PFKP: variants seen among roughly 807,000 people sequenced by gnomAD.
PFKP encodes phosphofructokinase, platelet.
Under a neutral mutation model 94.3 loss-of-function variants are expected in PFKP, and 101 were observed. That is an observed-to-expected ratio of 1.07 (90% CI 0.91 to 1.26). The LOEUF (loss-of-function observed/expected upper bound fraction) is 1.26. PFKP is among the 50% of genes most tolerant of loss of function. The pLI is 0.00. For missense variants in PFKP, 1,145 were observed against 1,103.3 expected (o/e 1.04, Z -0.53); for synonymous variants, 573 against 432.6 (o/e 1.32, Z -4.03).
At chr10:3,118,527 A>G (rs1332407999) in intron 14 of PFKP, among the ~76,000 whole-genome samples, 1 of 152,228 alleles carries the variant, frequency 6.6e-6, no homozygotes, top group Non-Finnish European at 1.5e-5. Flanking sequence ...ATGGGGCAGT[A>G]GAGTTCTTTT....
chr10:3,097,453 C>CAAT lies in PFKP; in HGVS notation c.187-1806_187-1804dup, dbSNP rs143079142. Among the ~76,000 whole-genome samples, 119 of 151,922 alleles carry CAAT rather than the reference C, an allele frequency of 7.8e-4. 1 individual carries two copies. The Middle Eastern group carries it at 0.01, about 13-fold the overall frequency. ...AATCTGTTTTCAGAGCAAGGGGAGA[C>CAAT]AATAATAATAATAATAATCCCTAGA... On this transcript the variant is annotated intron_variant, in intron 2 of 21. Transcript: ENST00000381125.
intron 1 of PFKP, among the ~76,000 whole-genome samples, chr10:3,079,959 C>T (rs917357943): frequency 6.6e-6 from 1 of 151,034 alleles, no homozygotes; most frequent in Non-Finnish European, 1.5e-5. Flanking sequence ...GTGGGAGGCT[C>T]TGTCCTGCCA....
chr10:3,101,132 T>A, intron 3 of PFKP: 1 of 815,712 alleles, frequency 1.2e-6, no homozygotes, highest in Non-Finnish European at 2.0e-6. Context: ...TGTCTGGCTC[T>A]GCACCCTCCC....
intron 1 of PFKP, among the ~76,000 whole-genome samples, chr10:3,079,785 G>A (rs1349374727): frequency 2.0e-5 from 3 of 151,950 alleles, no homozygotes; most frequent in Non-Finnish European, 4.4e-5. Flanking sequence ...CCATTAGAGT[G>A]ACCATAGCGT....
At chr10:3,128,402 G>C (rs1312991077) in intron 16 of PFKP, among the ~76,000 whole-genome samples, 1 of 152,222 alleles carries the variant, frequency 6.6e-6, no homozygotes, top group Non-Finnish European at 1.5e-5. Context: ...GTGTTTTCCT[G>C]AGGAAATGAC....
chr10:3,116,749 C>G lies in PFKP; in HGVS notation c.1372-27C>G, dbSNP rs777066096. 1.3e-5 allele frequency: 21 copies of G among 1,576,994 alleles called. No homozygotes were observed. The South Asian group carries it at 2.2e-4, about 17-fold the overall frequency. On this transcript the variant is annotated intron_variant, in intron 13 of 21. Coordinates refer to ENST00000381125, the MANE Select transcript of PFKP (RefSeq NM_002627.5). Reference sequence around the variant, plus strand: ...ACTTGCCTTTCATTGTTCACTTTAGCTGTTTCGTTCTGTGTTTGCACATTA... The same window carrying G: ...ACTTGCCTTTCATTGTTCACTTTAGGTGTTTCGTTCTGTGTTTGCACATTA...
In PFKP at chr10:3,116,133, A is replaced by AAT. The variant is rs140713081; in HGVS notation, c.1372-629_1372-628dup. ...AAGCCTGATTTATATGGTTCTGTCA[A>AAT]ATATATATATATATACATACACACC... On this transcript the variant is annotated intron_variant, in intron 13 of 21. Transcript: ENST00000381125. Among the ~76,000 whole-genome samples the AAT allele has an allele frequency of 2.0e-3, 308 of 150,976 alleles. 3 individuals carry two copies. Among genetic ancestry groups the AAT allele is most frequent in the African/African-American group, 4.1e-3 (170 of 41,144 alleles).
chr10:3,107,297 GA>G lies in PFKP; in HGVS notation c.862del (p.Ile288SerfsTer15). The G allele has an allele frequency of 6.3e-7, 1 of 1,599,256 alleles. No individual in the cohort carries two copies. The highest frequency in any genetic ancestry group is 8.6e-7 in the Non-Finnish European group (1 of 1,166,946). On this transcript the variant is annotated frameshift_variant, in exon 8 of 22. Transcript: ENST00000381125. LOFTEE classifies it high-confidence loss of function. Reference protein sequence around the residue: ...DTQNKPITSEKIKELVVTQLG... With the variant: ...DTQNKPITSEXIKELVVTQLG... ...CCCAAAATAAACCCATCACCTCTGA[GA>G]AAATCAAAGAGGTGAGTGTGTGTAG...
At chr10:3,135,692 C>T (rs1305395608) in intron 20 of PFKP, 44 bp from the exon 21 acceptor site, 2 of 1,186,672 alleles carry the variant, frequency 1.7e-6, no homozygotes, top group South Asian at 2.5e-5. Flanking sequence ...CCCACCTGCC[C>T]ATGTTGACAG....
At chr10:3,115,520 T>G (rs1237402690) in intron 13 of PFKP, among the ~76,000 whole-genome samples, 5 of 127,630 alleles carry the variant, frequency 3.9e-5, no homozygotes, top group African/African-American at 1.7e-4. Context: ...GTCCCACAGC[T>G]GAGGATAGGA....
At chr10:3,116,969 G>A in intron 14 of PFKP, 123 bp downstream of exon 14, 3 of 781,460 alleles carry the variant, frequency 3.8e-6, no homozygotes, top group South Asian at 2.9e-5. Context: ...TAAGGGAGGG[G>A]TGCAGGCAGT....
chr10:3,130,503 A>G (rs7923989), intron 17 of PFKP, among the ~76,000 whole-genome samples: 51,500 of 152,068 alleles, frequency 0.34, 9,462 homozygotes, highest in African/African-American at 0.48. Context: ...ACCCTGCAAC[A>G]TTCAAAGTTG....
chr10:3,130,827 G>T (rs774346651), intron 17 of PFKP, among the ~76,000 whole-genome samples: 139 of 152,304 alleles, frequency 9.1e-4, no homozygotes, highest in Admixed American at 4.8e-3. Flanking sequence ...AAAGTGCTGG[G>T]ATTACAGGCA....
chr10:3,133,075 G>C, intron 18 of PFKP, 128 bp from the exon 19 acceptor site: 1 of 716,480 alleles, frequency 1.4e-6, no homozygotes, highest in Non-Finnish European at 2.5e-6. Flanking sequence ...TGGAGGGACT[G>C]GTGTTGATGT....
intron 2 of PFKP, among the ~76,000 whole-genome samples, chr10:3,086,064 G>C (rs1250219442): frequency 6.6e-6 from 1 of 152,142 alleles, no homozygotes; most frequent in Non-Finnish European, 1.5e-5. Context: ...GCTGCTCTTA[G>C]TACAGAAATG....
intron 16 of PFKP, among the ~76,000 whole-genome samples, chr10:3,126,390 C>T (rs1039368823): frequency 6.6e-6 from 1 of 152,224 alleles, no homozygotes; most frequent in Admixed American, 6.5e-5. Context: ...CACTTGACCC[C>T]TGTTGGGTGA....
At chr10:3,081,632 A>G (rs1312094860) in intron 1 of PFKP, among the ~76,000 whole-genome samples, 4 of 152,230 alleles carry the variant, frequency 2.6e-5, no homozygotes, top group Admixed American at 2.6e-4. Context: ...CCAGGCCCAG[A>G]GGTGGTTCCG....
rs1833152391 is a variant in PFKP, at chr10:3,082,397, C to G, written c.122C>G (p.Ala41Gly). Residue 41 changes from alanine (A) to glycine (G), a missense_variant, in exon 2 of 22, where the codon GCT (alanine) becomes GGT (glycine). Transcript: ENST00000381125. ...TSGGDAQGMN[A>G]AVRAVVRMGI... ...CCTGTTTCCACTGCAGGTATGAACG[C>G]TGCCGTCCGTGCCGTGGTGCGCATG... is the stretch of plus-strand genomic sequence containing the variant. 1 of 1,607,070 alleles carries G rather than the reference C, an allele frequency of 6.2e-7. No individual in the cohort carries two copies. The highest frequency in any genetic ancestry group is 8.5e-7 in the Non-Finnish European group (1 of 1,175,398).
At chr10:3,112,534 G>T (rs148579903) in intron 11 of PFKP, among the ~76,000 whole-genome samples, 154 of 152,240 alleles carry the variant, frequency 1.0e-3, no homozygotes, top group African/African-American at 3.6e-3. Flanking sequence ...TGAGATTAAG[G>T]CACAAGGTGA....
Sources: allele counts gnomAD v4.1 joint callset (sites outside exome capture counted in the v4.1 genomes callset), GRCh38; gene constraint gnomAD v4.1.1; transcripts MANE v1.5; gene names NCBI Gene and HGNC (gene_info 2026-07-23, HGNC 2026-07-21).